Variants in SHTN1 observed in about 807,000 individuals in gnomAD.
SHTN1 encodes shootin-1.
A neutral mutation model predicts 83.1 loss-of-function variants in SHTN1; 42 were observed. The observed-to-expected ratio is 0.51, with a 90% confidence interval of 0.39 to 0.65. The LOEUF (loss-of-function observed/expected upper bound fraction) is 0.65. Among genes scored for constraint, SHTN1 ranks in the 30% least tolerant of loss-of-function variants. The probability of loss-of-function intolerance (pLI) is 0.00; values close to 1 mark genes in which losing one functional copy is unlikely to be tolerated. For missense variants in SHTN1, 622 were observed against 737.8 expected, an observed-to-expected ratio of 0.84 and a Z score of 1.82; for synonymous variants, 224 against 247.7, an observed-to-expected ratio of 0.90 and a Z score of 0.90.
At chr10:117,051,283 A>G (rs1488384849) in intron 1 of SHTN1, among the ~76,000 whole-genome samples, 2 of 152,206 alleles carry the variant, frequency 1.3e-5, no homozygotes, top group African/African-American at 4.8e-5. Context: ...AAATCACCCA[A>G]CAAAAAACAA....
At chr10:117,090,580 TAAAAC>T (rs1453779933) in intron 1 of SHTN1, among the ~76,000 whole-genome samples, 1 of 152,094 alleles carries the variant, frequency 6.6e-6, no homozygotes, top group Non-Finnish European at 1.5e-5. Context: ...CAATTTGAAA[TAAAAC>T]AAAACAATCA....
At chr10:116,894,281 T>TA (rs1253670663) in intron 16 of SHTN1, among the ~76,000 whole-genome samples, 2 of 152,178 alleles carry the variant, frequency 1.3e-5, no homozygotes, top group Non-Finnish European at 2.9e-5. Context: ...CAAATTAAAA[T>TA]AAAAATGGTT....
At chr10:117,093,686 A>G (rs75217687) in intron 1 of SHTN1, among the ~76,000 whole-genome samples, 2,379 of 152,336 alleles carry the variant, frequency 0.016, 26 homozygotes, top group Non-Finnish European at 0.024. Flanking sequence ...GCTGTACTGT[A>G]ACAACTTACG....
intron 2 of SHTN1, among the ~76,000 whole-genome samples, chr10:117,018,977 T>C (rs1852223914): frequency 6.6e-6 from 1 of 152,082 alleles, no homozygotes; most frequent in African/African-American, 2.4e-5. Flanking sequence ...TAAATAGTCT[T>C]TATCCACAAG....
upstream of SHTN1, chr10:117,005,197 TCCGCTC>T (rs1851973509): frequency 6.5e-7 from 1 of 1,528,682 alleles, no homozygotes; most frequent in Non-Finnish European, 8.8e-7. Flanking sequence ...GGAAGTTGGA[TCCGCTC>T]CCGCTCCTCC....
chr10:116,979,866 G>A (rs888771907), intron 1 of SHTN1, among the ~76,000 whole-genome samples: 2 of 152,158 alleles, frequency 1.3e-5, no homozygotes, highest in Non-Finnish European at 2.9e-5. Context: ...TCGACTCAAT[G>A]TCACACGTCT....
chr10:116,925,835 C>G (rs1848726872), intron 11 of SHTN1, among the ~76,000 whole-genome samples: 1 of 151,992 alleles, frequency 6.6e-6, no homozygotes, highest in African/African-American at 2.4e-5. Flanking sequence ...AGCTACAGGC[C>G]CTAGTCTTTT....
intron 2 of SHTN1, among the ~76,000 whole-genome samples, chr10:117,029,365 T>C (rs1852373839): frequency 6.6e-6 from 1 of 152,220 alleles, no homozygotes. Flanking sequence ...CTTTGGGCTT[T>C]TGACTTTTGA....
intron 1 of SHTN1, among the ~76,000 whole-genome samples, chr10:117,118,777 G>A (rs1005490722): frequency 5.3e-5 from 8 of 152,154 alleles, no homozygotes; most frequent in African/African-American, 1.9e-4. Context: ...GGGCCTGTTG[G>A]AGGATGGGTC....
At chr10:117,052,547 G>A (rs1218836918) in intron 1 of SHTN1, among the ~76,000 whole-genome samples, 1 of 151,480 alleles carries the variant, frequency 6.6e-6, no homozygotes, top group Non-Finnish European at 1.5e-5. Flanking sequence ...GCTACAGTAA[G>A]AAAAAAAATT....
At chr10:117,044,194 CAT>C (rs1564940184) in intron 2 of SHTN1, among the ~76,000 whole-genome samples, 2 of 152,112 alleles carry the variant, frequency 1.3e-5, no homozygotes, top group Non-Finnish European at 2.9e-5. Context: ...TATTATGTCT[CAT>C]AGATATTCTC....
chr10:116,958,804 C>G (rs4103264), intron 4 of SHTN1, among the ~76,000 whole-genome samples: 146,129 of 152,304 alleles, frequency 0.96, 70,402 homozygotes, highest in East Asian at 1. Context: ...AGATACTACA[C>G]TCCAGAGAAC....
At chr10:117,083,313 A>G (rs1295135978) in intron 1 of SHTN1, among the ~76,000 whole-genome samples, 1 of 148,086 alleles carries the variant, frequency 6.8e-6, no homozygotes, top group African/African-American at 2.5e-5. Context: ...TTGGCTGGAC[A>G]TGAAATTCTG....
At chr10:116,957,213 GT>G (rs35497792) in intron 4 of SHTN1, among the ~76,000 whole-genome samples, 88,131 of 150,450 alleles carry the variant, frequency 0.59, 29,264 homozygotes, top group Middle Eastern at 0.76. Context: ...GCTACTTGTT[GT>G]TTGGAACCCC....
rs1852622193 is a variant in SHTN1, at chr10:117,043,719, GTAGTCCCAGC to G, written c.-123+4716_-123+4725del. On this transcript the variant is annotated intron_variant, in intron 2 of 17. Coordinates refer to the SHTN1 transcript ENST00000392901. The stretch of plus-strand genomic sequence containing the variant: ...TAGCCAGGCATGGTGGCACATGCCT[GTAGTCCCAGC>G]TATTCAGGAAGCTGAGCTGGGAGTA... Among the ~76,000 whole-genome samples, 8 of 152,224 alleles carry G rather than the reference GTAGTCCCAGC, an allele frequency of 5.3e-5. No homozygotes were observed. The South Asian group carries it at 1.7e-3, about 32-fold the overall frequency.
intron 1 of SHTN1, among the ~76,000 whole-genome samples, chr10:117,125,665 CTT>C (rs1457127731): frequency 6.6e-6 from 1 of 152,154 alleles, no homozygotes; most frequent in Non-Finnish European, 1.5e-5. Flanking sequence ...ATTTCCTTTT[CTT>C]TTTCTCTCCC....
rs1166071045 is a variant in SHTN1 at position 116,901,745 on chromosome 10, TA to T, written c.1673+19del. ...ACAGATTCTTCTATACACCACTTAG[TA>T]AAGAGCATCGTTACTTACTGAAACG... On this transcript the variant is annotated intron_variant, in intron 16 of 16. Transcript: ENST00000355371. 15 of 1,566,274 alleles carry T rather than the reference TA, an allele frequency of 9.6e-6. No homozygotes were observed. Among genetic ancestry groups the T allele is most frequent in the Non-Finnish European group, 1.3e-5 (15 of 1,161,990 alleles).
intron 1 of SHTN1, among the ~76,000 whole-genome samples, chr10:117,121,435 C>T (rs1853925565): frequency 2.6e-5 from 4 of 151,814 alleles, no homozygotes; most frequent in Admixed American, 1.3e-4. Flanking sequence ...AAAAACTAGC[C>T]GGGCATGGTG....
chr10:116,964,874 G>A (rs776502957), intron 3 of SHTN1, among the ~76,000 whole-genome samples: 1 of 152,060 alleles, frequency 6.6e-6, no homozygotes, highest in Non-Finnish European at 1.5e-5. Flanking sequence ...GCTGAGGCAG[G>A]AGAATCACTT....
Sources: gnomAD v4.1 joint callset for allele counts (sites outside exome capture counted in the v4.1 genomes callset) on GRCh38, gnomAD v4.1.1 for gene constraint, MANE v1.5 for transcripts, NCBI Gene and HGNC (gene_info 2026-07-23, HGNC 2026-07-21) for gene names.